Variants in CRYBG2 observed in about 807,000 individuals in gnomAD.
CRYBG2 encodes the protein beta/gamma crystallin domain-containing protein 2.
In CRYBG2, 106 loss-of-function variants were observed where a neutral mutation model predicts 153.4. The observed-to-expected ratio is 0.69, with a 90% CI of 0.59 to 0.81. The LOEUF is 0.81. CRYBG2 is among the 30% of genes least tolerant of loss of function. The pLI, the probability that CRYBG2 is intolerant of heterozygous loss-of-function variation, is 0.00. For synonymous variants in CRYBG2, 851 were observed against 877.8 expected (o/e 0.97, Z 0.54); for missense variants, 1,996 against 2,112.0 (o/e 0.95, Z 1.08).
Position 26,330,985 on chromosome 1 carries a change from A to G in CRYBG2, c.4314+504T>C, listed in dbSNP as rs572540852. ...TATTGTGGCCCCGTCACTTCCATCC[A>G]TCTCTTCCTAGGTGGAGGACATCAC... On this transcript the variant is annotated intron_variant, in intron 15 of 19. Coordinates refer to ENST00000308182, the MANE Select transcript of CRYBG2 (RefSeq NM_001039775.4). 2.6e-5 allele frequency among the ~76,000 whole-genome samples: 4 copies of G among 152,182 alleles called. No individual in the cohort carries two copies. The South Asian group carries it at 6.2e-4, about 24-fold the overall frequency.
intron 14 of CRYBG2, 121 bp downstream of exon 14, chr1:26,335,974 G>T: frequency 1.4e-6 from 1 of 739,008 alleles, no homozygotes; most frequent in South Asian, 2.5e-5. Context: ...TTTTAAAATT[G>T]CGCAAGACAG....
chr1:26,352,408 A>G (rs569941204), intron 1 of CRYBG2, among the ~76,000 whole-genome samples: 127 of 152,260 alleles, frequency 8.3e-4, no homozygotes, highest in Non-Finnish European at 1.6e-3. Context: ...ACGTGCACAC[A>G]TTCACAATAC....
intron 14 of CRYBG2, among the ~76,000 whole-genome samples, chr1:26,331,917 A>G (rs541137105): frequency 4.6e-5 from 7 of 152,342 alleles, no homozygotes; most frequent in Middle Eastern, 3.4e-3. Context: ...AACATGAAAT[A>G]ACACATGCAG....
chr1:26,322,395 C>A, intron 18 of CRYBG2, 72 bp from the exon 19 acceptor site: 2 of 1,506,330 alleles, frequency 1.3e-6, no homozygotes, highest in Non-Finnish European at 8.9e-7. Context: ...AAACCCTTGA[C>A]CCATCTGCTC....
At chr1:26,329,373 C>T (rs1363533063) in intron 15 of CRYBG2, among the ~76,000 whole-genome samples, 2 of 151,786 alleles carry the variant, frequency 1.3e-5, no homozygotes, top group South Asian at 2.1e-4. Flanking sequence ...GACAGGCTTT[C>T]GCCATGTTAG....
Position 26,331,612 on chromosome 1 carries a change from G to C in CRYBG2, c.4191C>G (p.Ile1397Met). The C allele has an allele frequency of 1.9e-6, 3 of 1,613,886 alleles. No individual in the cohort carries two copies. Among genetic ancestry groups the C allele is most frequent in the Non-Finnish European group, 2.5e-6 (3 of 1,180,004 alleles). Reference protein sequence around the residue: ...QSCRVHGGSWILFDETNFEGD... With the variant: ...QSCRVHGGSWMLFDETNFEGD... ...CCTCGAAGTTCGTCTCATCAAACAGGATCCAGCTAGGGAAGGGGAAGAAAT... is the reference window on the plus strand; with the variant it reads ...CCTCGAAGTTCGTCTCATCAAACAGCATCCAGCTAGGGAAGGGGAAGAAAT... Residue 1397 changes from isoleucine to methionine, a missense_variant, in exon 15 of 20, where the codon ATC (isoleucine) becomes ATG (methionine). Ile to Met is a conservative substitution (Grantham distance 10, BLOSUM62 1). Coordinates refer to ENST00000308182, the MANE Select transcript of CRYBG2 (RefSeq NM_001039775.4).
intron 9 of CRYBG2, 60 bp from the exon 10 acceptor site, chr1:26,337,439 A>G: frequency 1.9e-6 from 3 of 1,602,178 alleles, no homozygotes; most frequent in Non-Finnish European, 2.6e-6. Flanking sequence ...TGGATGAATG[A>G]GACAGCTGTC....
At chr1:26,333,362 T>A (rs917747277) in intron 14 of CRYBG2, among the ~76,000 whole-genome samples, 4 of 151,948 alleles carry the variant, frequency 2.6e-5, no homozygotes, top group Non-Finnish European at 5.9e-5. Flanking sequence ...GGTCGGGAGT[T>A]CGAGGCCAGC....
At chr1:26,341,078 C>A (rs2074123454) in intron 5 of CRYBG2, among the ~76,000 whole-genome samples, 1 of 152,020 alleles carries the variant, frequency 6.6e-6, no homozygotes. Context: ...GTGGCTCACG[C>A]CTGTAATCCC....
chr1:26,328,651 G>A (rs138104400), intron 16 of CRYBG2, 83 bp downstream of exon 16: 3 of 1,520,000 alleles, frequency 2.0e-6, no homozygotes, highest in Non-Finnish European at 1.8e-6. Flanking sequence ...GGGGAAAGAG[G>A]CCAGAGACCC....
rs879232580 is a variant in CRYBG2, at chr1:26,344,691, G to A, written c.1967C>T (p.Ala656Val). The change falls in exon 2 of 20, where the codon GCC (alanine) becomes GTC (valine). Residue 656 changes from alanine (A) to valine (V), a missense_variant. Coordinates refer to ENST00000308182, the MANE Select transcript of CRYBG2 (RefSeq NM_001039775.4). ...AGTCTCTTCCTTGGTGAGGGGCGGGGCAAGGCTGCCTGCAATACCCTGGAC... is the reference window on the plus strand; with the variant it reads ...AGTCTCTTCCTTGGTGAGGGGCGGGACAAGGCTGCCTGCAATACCCTGGAC... Reference protein sequence around the residue: ...EAVQGIAGSLAPPLTKEETVQ... With the variant: ...EAVQGIAGSLVPPLTKEETVQ... The A allele has an allele frequency of 6.5e-7, 1 of 1,533,084 alleles. No individual in the cohort carries two copies. Among genetic ancestry groups the A allele is most frequent in the Non-Finnish European group, 8.7e-7 (1 of 1,144,908 alleles). The allele number at this position is 1,533,084 out of a possible 1,614,324, so 95.0% of individuals were successfully genotyped here.
chr1:26,349,809 C>CTTTTTT (rs57826673), intron 1 of CRYBG2, among the ~76,000 whole-genome samples: 5 of 70,664 alleles, frequency 7.1e-5, no homozygotes, highest in Non-Finnish European at 1.3e-4. Context: ...GGACTAGAGG[C>CTTTTTT]TTTTTTTTTT....
chr1:26,349,401 T>G (rs1199231369), intron 1 of CRYBG2, among the ~76,000 whole-genome samples: 3 of 152,010 alleles, frequency 2.0e-5, no homozygotes, highest in Non-Finnish European at 2.9e-5. Flanking sequence ...CCAGGCATCC[T>G]CCCTCCTACC....
chr1:26,353,299 A>G (rs1328433182), intron 1 of CRYBG2, among the ~76,000 whole-genome samples: 1 of 151,922 alleles, frequency 6.6e-6, no homozygotes, highest in Admixed American at 6.6e-5. Flanking sequence ...ATCCTTAAGC[A>G]CCCTTCAAAA....
chr1:26,339,395 T>G lies in CRYBG2; in HGVS notation c.3239A>C (p.Glu1080Ala). Residue 1080 changes from glutamate to alanine, a missense_variant, in exon 6 of 20, where the codon GAG (glutamate) becomes GCG (alanine). Coordinates refer to ENST00000308182, the MANE Select transcript of CRYBG2 (RefSeq NM_001039775.4). ...CACTTGCTCCCCCTTGAGGCCCTCC[T>G]CAGAGAAGAGGCTGATTTCCGGGGT... ...YSTPEISLFS[E>A]EGLKGEQVKL... The G allele has an allele frequency of 6.2e-7, 1 of 1,614,134 alleles. No individual in the cohort carries two copies. Among genetic ancestry groups the G allele is most frequent in the East Asian group, 2.2e-5 (1 of 44,880 alleles).
In CRYBG2 at chr1:26,344,086, T is replaced by C. The variant is rs775210885; in HGVS notation, c.2572A>G (p.Arg858Gly). ...RQEKAGPSPS[R>G]DLHPARPTQV... ...GTGGGTCTGGCAGGGTGGAGGTCCC[T>C]GGAGGGGCTGGGCCCAGCTTTCTCC... is the stretch of plus-strand genomic sequence containing the variant. Residue 858 changes from arginine to glycine, a missense_variant, in exon 2 of 20, where the codon AGG (arginine) becomes GGG (glycine). Coordinates refer to ENST00000308182, the MANE Select transcript of CRYBG2 (RefSeq NM_001039775.4). The C allele has an allele frequency of 3.8e-5, 58 of 1,536,016 alleles. No homozygotes were observed. The highest frequency in any genetic ancestry group is 4.3e-5 in the Non-Finnish European group (49 of 1,146,896).
intron 18 of CRYBG2, 134 bp from the exon 19 acceptor site, chr1:26,322,457 T>G: frequency 1.0e-6 from 1 of 997,556 alleles, no homozygotes; most frequent in Non-Finnish European, 1.4e-6. Context: ...TTAATCCTCC[T>G]CAGCTTCAGT....
chr1:26,323,109 C>A (rs1453324304), intron 18 of CRYBG2, among the ~76,000 whole-genome samples: 1 of 148,748 alleles, frequency 6.7e-6, no homozygotes, highest in Non-Finnish European at 1.5e-5. Context: ...GAGACAGAGT[C>A]TCCCTCTGTT....
Position 26,346,207 on chromosome 1 carries a change from G to C in CRYBG2, c.451C>G (p.Arg151Gly), listed in dbSNP as rs756562299. 6.4e-7 allele frequency: 1 copy of C among 1,572,572 alleles called. No homozygotes were observed. Among genetic ancestry groups the C allele is most frequent in the Non-Finnish European group, 8.6e-7 (1 of 1,166,184 alleles). The part of the protein sequence containing the change: ...TELLVPLPGP[R>G]EPSPHPGVGL... ...ACACCTGGGTGGGGACTTGGCTCTCGGGGCCCAGGCAGGGGAACCAAAAGC... is the reference window on the plus strand; with the variant it reads ...ACACCTGGGTGGGGACTTGGCTCTCCGGGCCCAGGCAGGGGAACCAAAAGC... Residue 151 changes from arginine (R) to glycine (G), a missense_variant, in exon 2 of 20, where the codon CGA (arginine) becomes GGA (glycine). By Grantham distance (125) the Arg-to-Gly change is moderately radical. Coordinates refer to ENST00000308182, the MANE Select transcript of CRYBG2 (RefSeq NM_001039775.4). The surrounding 1 kb of genome is among the most constrained non-coding windows in gnomAD (Gnocchi z 4.9).
Sources: allele counts gnomAD v4.1 joint callset (sites outside exome capture counted in the v4.1 genomes callset), GRCh38; gene constraint gnomAD v4.1.1; non-coding constraint Gnocchi (gnomAD v3.1); transcripts MANE v1.5; gene names NCBI Gene and HGNC (gene_info 2026-07-23, HGNC 2026-07-21).